Variants in JHY observed in about 807,000 individuals in gnomAD.
JHY encodes jhy protein homolog.
Under a neutral mutation model 78.0 loss-of-function variants are expected in JHY, and 69 were observed. The observed-to-expected ratio is 0.88, with a 90% CI of 0.73 to 1.08. The LOEUF (loss-of-function observed/expected upper bound fraction) is 1.08. JHY is among the 50% of genes least tolerant of loss of function. JHY has a pLI of 0.00. For missense variants in JHY, 944 were observed against 927.8 expected (o/e 1.02, Z -0.23); for synonymous variants, 368 against 342.6 (o/e 1.07, Z -0.82).
rs1251953543 is a variant in JHY, at chr11:122,957,557, T to C, written c.2139+66T>C. 83 of 34,340 alleles carry C rather than the reference T, an allele frequency of 2.4e-3. No individual in the cohort carries two copies. The South Asian group carries it at 0.038, about 16-fold the overall frequency. The allele number at this position is 34,340 out of a possible 1,614,324, so 2.1% of individuals were successfully genotyped here. A position where few individuals can be genotyped will look rare whatever the true frequency, so the allele number is the denominator to read the frequency against. ...ATTAAAAGGAAACTTTTATTATCGCTTTTTTTTTTTTTTTTTAATTAGCCA... is the reference window on the plus strand; with the variant it reads ...ATTAAAAGGAAACTTTTATTATCGCCTTTTTTTTTTTTTTTTAATTAGCCA... On this transcript the variant is annotated intron_variant, in intron 8 of 8. Transcript: ENST00000227349.
Position 122,898,820 on chromosome 11 carries a change from C to G in JHY, c.345-5105C>G, listed in dbSNP as rs542240562. On this transcript the variant is annotated intron_variant, in intron 2 of 8. Coordinates refer to ENST00000227349, the MANE Select transcript of JHY (RefSeq NM_024806.4). The surrounding 1 kb of genome is among the most constrained non-coding windows in gnomAD (Gnocchi z 4.4). ...CCCGAGCTGCTTCAAGTGTTTGCAA[C>G]GTCCCTCGAGATCTGACCTTTGCTT... Among the ~76,000 whole-genome samples, 1 of 152,234 alleles carries G rather than the reference C, an allele frequency of 6.6e-6. No homozygotes were observed. Among genetic ancestry groups the G allele is most frequent in the East Asian group, 1.9e-4 (1 of 5,202 alleles).
At chr11:122,946,476 T>G (rs1318698502) in intron 5 of JHY, 22 bp from the exon 6 acceptor site, 1 of 1,550,554 alleles carries the variant, frequency 6.4e-7, no homozygotes, top group Admixed American at 2.2e-5. Flanking sequence ...AATAGATTTG[T>G]GCCTTTTTTT....
At position 122,961,000 on chromosome 11, in the gene JHY, C is replaced by A; in HGVS notation, c.*1555C>A. ...ATGATAAATTGGGTGCAGAGCATCT[C>A]TGCACAACAGGAAAAGGAGACAATT... On this transcript the variant is annotated 3_prime_UTR_variant, in exon 9 of 9. Coordinates refer to ENST00000227349, the MANE Select transcript of JHY (RefSeq NM_024806.4). 1.1e-6 allele frequency: 1 copy of A among 943,018 alleles called. No homozygotes were observed. The highest frequency in any genetic ancestry group is 1.7e-6 in the Non-Finnish European group (1 of 581,288). The allele number at this position is 943,018 out of a possible 1,614,324, so 58.4% of individuals were successfully genotyped here. A position where few individuals can be genotyped will look rare whatever the true frequency, so the allele number is the denominator to read the frequency against.
In JHY at chr11:122,946,571, C is replaced by G. The variant is rs757143095; in HGVS notation, c.1708C>G (p.Gln570Glu). Residue 570 changes from glutamine (Q) to glutamate (E), a missense_variant, in exon 6 of 9, where the codon CAG (glutamine) becomes GAG (glutamate). Physicochemically the swap from Gln to Glu is conservative, Grantham distance 29 (BLOSUM62 2). Coordinates refer to ENST00000227349, the MANE Select transcript of JHY (RefSeq NM_024806.4). ...PDSWLTQIMEQHQQALVQLTD... is the reference protein window; with the variant it reads ...PDSWLTQIMEEHQQALVQLTD... The stretch of plus-strand genomic sequence containing the variant: ...TTCATGGCTCACCCAGATAATGGAG[C>G]AGCATCAGCAAGCCTTGGTGCAGCT... 1.1e-5 allele frequency: 17 copies of G among 1,613,754 alleles called. No individual in the cohort carries two copies. In the East Asian group the frequency reaches 3.3e-4, roughly 32 times the overall value.
At chr11:122,951,370 T>A (rs941176295) in intron 6 of JHY, among the ~76,000 whole-genome samples, 1 of 152,244 alleles carries the variant, frequency 6.6e-6, no homozygotes, top group Admixed American at 6.5e-5. Flanking sequence ...CTAACTGTGC[T>A]GAGCTGAAGT....
At chr11:122,905,195 C>G (rs1565313260) in intron 3 of JHY, 9 of 1,614,008 alleles carry the variant, frequency 5.6e-6, no homozygotes, top group Non-Finnish European at 7.6e-6. Context: ...TAAATTCTCT[C>G]CCACGTGATG....
chr11:122,954,962 C>T (rs902400384), intron 6 of JHY, among the ~76,000 whole-genome samples: 2 of 152,186 alleles, frequency 1.3e-5, no homozygotes, highest in Non-Finnish European at 1.5e-5. Flanking sequence ...TAGTAACTTA[C>T]GTGTGCCTTA....
At chr11:122,936,689 T>C (rs1863763883) in intron 5 of JHY, among the ~76,000 whole-genome samples, 1 of 152,170 alleles carries the variant, frequency 6.6e-6, no homozygotes, top group Admixed American at 6.5e-5. Context: ...CTGATAACCC[T>C]TTTATTCCTA....
chr11:122,884,988 T>G (rs1862464673), intron 1 of JHY, among the ~76,000 whole-genome samples: 1 of 151,412 alleles, frequency 6.6e-6, no homozygotes, highest in South Asian at 2.1e-4. Context: ...TTTTTTTTTT[T>G]TTGTAGAGAT....
chr11:122,959,515 C>T lies in JHY; in HGVS notation c.*70C>T. ...CGTGGAGAAAAGAAACGCCAACCAC[C>T]TTCTCTGCGTTGAGAGTAATGGCCT... On this transcript the variant is annotated 3_prime_UTR_variant, in exon 9 of 9. Transcript: ENST00000227349. 1 of 1,405,634 alleles carries T rather than the reference C, an allele frequency of 7.1e-7. No individual in the cohort carries two copies. Among genetic ancestry groups the T allele is most frequent in the Non-Finnish European group, 9.9e-7 (1 of 1,007,544 alleles). 87.1% of individuals were successfully genotyped at this position (1,405,634 alleles called of 1,614,324 possible). A position where few individuals can be genotyped will look rare whatever the true frequency, so the allele number is the denominator to read the frequency against.
chr11:122,901,658 G>A (rs768002057), intron 2 of JHY, among the ~76,000 whole-genome samples: 2 of 151,884 alleles, frequency 1.3e-5, no homozygotes, highest in Non-Finnish European at 2.9e-5. Context: ...CAGATCACGA[G>A]GTCAGGAGAT....
In JHY at chr11:122,917,255, T is replaced by C. The variant is rs576211861; in HGVS notation, c.865-7642T>C. ...CCTAGCAGCCGTAAGCATTTAGCTA[T>C]GGCCTCAGGATATCTTCAAGACTAG... On this transcript the variant is annotated intron_variant, in intron 3 of 8. Transcript: ENST00000227349. This position sits in a 1 kb window ranked among gnomAD's most constrained non-coding sequence, Gnocchi z 4.1. Among the ~76,000 whole-genome samples the C allele has an allele frequency of 9.2e-5, 14 of 152,332 alleles. No individual in the cohort carries two copies. The highest frequency in any genetic ancestry group is 9.1e-4 in the Admixed American group (14 of 15,302).
At chr11:122,958,827 A>G (rs1184699956) in intron 8 of JHY, 6 of 985,054 alleles carry the variant, frequency 6.1e-6, no homozygotes, top group South Asian at 4.7e-5. Flanking sequence ...GCTCAAGTGT[A>G]TGTAAACTAC....
At chr11:122,926,766 AT>A (rs1318201945) in intron 4 of JHY, among the ~76,000 whole-genome samples, 2 of 152,204 alleles carry the variant, frequency 1.3e-5, no homozygotes, top group Non-Finnish European at 1.5e-5. Flanking sequence ...TCAGCCTGCC[AT>A]TTACTTGATT....
chr11:122,911,387 C>T (rs889626932), intron 3 of JHY, among the ~76,000 whole-genome samples: 1 of 152,134 alleles, frequency 6.6e-6, no homozygotes, highest in Non-Finnish European at 1.5e-5. Context: ...GTGGCTGTTG[C>T]TGAGACAGCA....
chr11:122,948,694 C>T (rs1034448669), intron 6 of JHY, among the ~76,000 whole-genome samples: 9 of 151,926 alleles, frequency 5.9e-5, no homozygotes, highest in Non-Finnish European at 1.2e-4. Flanking sequence ...CACAGAGGAA[C>T]GTAAAGGAAA....
chr11:122,938,312 T>C (rs1863799445), intron 5 of JHY, among the ~76,000 whole-genome samples: 1 of 152,146 alleles, frequency 6.6e-6, no homozygotes, highest in African/African-American at 2.4e-5. Flanking sequence ...TCTCCATTTC[T>C]TTCTAATTTT....
chr11:122,909,522 G>A (rs747266908), intron 3 of JHY, among the ~76,000 whole-genome samples: 7 of 152,158 alleles, frequency 4.6e-5, no homozygotes, highest in Admixed American at 1.3e-4. Flanking sequence ...GTTAGGCCAC[G>A]TAAACTCAGC....
At chr11:122,884,059 T>C (rs1862442543) in intron 1 of JHY, among the ~76,000 whole-genome samples, 1 of 152,178 alleles carries the variant, frequency 6.6e-6, no homozygotes, top group Non-Finnish European at 1.5e-5. Flanking sequence ...AAAGCAACAA[T>C]TAAAATAATA....
Sources: gnomAD v4.1 joint callset for allele counts (sites outside exome capture counted in the v4.1 genomes callset) on GRCh38, gnomAD v4.1.1 for gene constraint, Gnocchi (gnomAD v3.1) non-coding constraint, MANE v1.5 for transcripts, NCBI Gene and HGNC (gene_info 2026-07-23, HGNC 2026-07-21) for gene names.